The following EIF4E3 variants were observed in gnomAD, a reference collection of about 807,000 sequenced individuals.
EIF4E3 encodes the protein eukaryotic translation initiation factor 4E family member 3.
Under a neutral mutation model 31.7 loss-of-function variants are expected in EIF4E3, and 26 were observed. The ratio of observed to expected loss-of-function variants is 0.82; its 90% CI spans 0.60 to 1.14. The LOEUF (loss-of-function observed/expected upper bound fraction) is 1.14. EIF4E3 is among the 50% of genes most tolerant of loss of function. The probability of loss-of-function intolerance (pLI) is 0.00; values close to 1 mark genes in which losing one functional copy is unlikely to be tolerated. For missense variants in EIF4E3, 304 were observed against 270.9 expected (o/e 1.12, Z -0.86); for synonymous variants, 128 against 107.7 (o/e 1.19, Z -1.17).
intron 1 of EIF4E3, among the ~76,000 whole-genome samples, chr3:71,736,922 C>T (rs2049769831): frequency 6.6e-6 from 1 of 152,162 alleles, no homozygotes; most frequent in African/African-American, 2.4e-5. Flanking sequence ...AAATGGAAAA[C>T]TCCTTGTACC....
intron 1 of EIF4E3, among the ~76,000 whole-genome samples, chr3:71,712,930 G>A (rs1255869427): frequency 6.0e-5 from 9 of 150,578 alleles, no homozygotes; most frequent in Admixed American, 6.0e-4. Context: ...TCCACAGTCT[G>A]GTCTTTACTT....
At chr3:71,664,081 G>A in the EIF4E3 span, among the ~76,000 whole-genome samples, 1 of 152,178 alleles carries the variant, frequency 6.6e-6, no homozygotes, top group African/African-American at 2.4e-5. Context: ...AGAAAAGGCT[G>A]CAGACTCAGC....
At chr3:71,724,992 C>G (rs2049609177) in intron 1 of EIF4E3, among the ~76,000 whole-genome samples, 200 bp downstream of exon 1, 1 of 152,096 alleles carries the variant, frequency 6.6e-6, no homozygotes, top group South Asian at 2.1e-4. Flanking sequence ...GCGAGGACGC[C>G]GAACAGCCGC....
the EIF4E3 span, among the ~76,000 whole-genome samples, chr3:71,661,859 G>T: frequency 6.6e-6 from 1 of 152,188 alleles, no homozygotes; most frequent in Admixed American, 6.5e-5. Flanking sequence ...TTGAGTAGGT[G>T]CTCAATAAGT....
intron 1 of EIF4E3, among the ~76,000 whole-genome samples, chr3:71,736,466 A>T (rs2049764479): frequency 6.6e-6 from 1 of 152,250 alleles, no homozygotes; most frequent in African/African-American, 2.4e-5. Context: ...AATATCATTC[A>T]CTGCTAAAAA....
intron 1 of EIF4E3, among the ~76,000 whole-genome samples, chr3:71,712,482 G>GA (rs1455023567): frequency 6.6e-6 from 1 of 152,018 alleles, no homozygotes; most frequent in African/African-American, 2.4e-5. Flanking sequence ...CTGTTAGCAT[G>GA]AAAAATCTAT....
intron 1 of EIF4E3, among the ~76,000 whole-genome samples, chr3:71,733,288 C>G (rs2049726648): frequency 1.3e-5 from 2 of 152,190 alleles, no homozygotes; most frequent in Non-Finnish European, 1.5e-5. Context: ...CCACTATGAG[C>G]TGATAACTGC....
intron 6 of EIF4E3, among the ~76,000 whole-genome samples, chr3:71,686,864 G>A (rs1264177394): frequency 6.6e-6 from 1 of 152,192 alleles, no homozygotes; most frequent in Non-Finnish European, 1.5e-5. Flanking sequence ...CAGGTGTACT[G>A]TCAGCCTTAG....
At chr3:71,745,047 A>G (rs2049857240) in intron 1 of EIF4E3, among the ~76,000 whole-genome samples, 1 of 152,230 alleles carries the variant, frequency 6.6e-6, no homozygotes, top group South Asian at 2.1e-4. Context: ...TGGAAATCAG[A>G]CCACTGCAAG....
rs187046581 is a variant in EIF4E3, at chr3:71,702,364, G to C, written c.250-2656C>G. ...GGACTTTGGTGCTGGCAAACTTCAA[G>C]TCTCCTCAAAGGCATCACAAACCAA... On this transcript the variant is annotated intron_variant, in intron 2 of 6. Transcript: ENST00000425534. Among the ~76,000 whole-genome samples the C allele has an allele frequency of 1.7e-3, 264 of 152,250 alleles. 2 individuals are homozygous for C. The highest frequency in any genetic ancestry group is 6.0e-3 in the African/African-American group (248 of 41,556).
chr3:71,730,788 T>C (rs1425170208), intron 1 of EIF4E3, among the ~76,000 whole-genome samples: 1 of 151,922 alleles, frequency 6.6e-6, no homozygotes, highest in Non-Finnish European at 1.5e-5. Flanking sequence ...TGGAGTGGAG[T>C]GGCACAATCT....
chr3:71,725,343 G>T lies in EIF4E3; in HGVS notation c.25C>A (p.Pro9Thr), dbSNP rs986281064. 5 of 973,284 alleles carry T rather than the reference G, an allele frequency of 5.1e-6. No homozygotes were observed. The highest frequency in any genetic ancestry group is 6.1e-6 in the Non-Finnish European group (5 of 821,624). The allele number at this position is 973,284 out of a possible 1,614,324, so 60.3% of individuals were successfully genotyped here. Residue 9 changes from proline to threonine, a missense_variant, in exon 1 of 7, where the codon CCC becomes ACC. Pro to Thr is a conservative substitution (Grantham distance 38). Transcript: ENST00000425534. The surrounding 1 kb of genome is among the most constrained non-coding windows in gnomAD (Gnocchi z 6.1). MALPPAAAPPAGAREPPGS... is the reference protein window; with the variant it reads MALPPAAATPAGAREPPGS... ...GGCGGCTCCCGGGCCCCGGCGGGGG[G>T]CGCGGCGGCCGGGGGCAGCGCCATT... is the stretch of plus-strand genomic sequence containing the variant.
upstream of EIF4E3, among the ~76,000 whole-genome samples, chr3:71,729,390 G>T (rs962300651): frequency 1.3e-5 from 2 of 152,168 alleles, no homozygotes; most frequent in Non-Finnish European, 2.9e-5. Flanking sequence ...CTTTGGGAAG[G>T]GAGCCTTCCA....
chr3:71,753,518 G>A (rs932421377), exon 1 of EIF4E3: 1 of 151,366 alleles, frequency 6.6e-6, no homozygotes, highest in Non-Finnish European at 1.5e-5. Flanking sequence ...CCTCCCTCCC[G>A]GCCGCCTCCC....
At chr3:71,753,659 G>GGCGGCGGCGGCA (rs1241314242), upstream of EIF4E3, 26 of 148,846 alleles carry the variant, frequency 1.7e-4, no homozygotes, top group East Asian at 1.8e-3. Context: ...CGGCGGCGGC[G>GGCGGCGGCGGCA]GCGGCGGCGG....
At chr3:71,730,913 A>G (rs1042454430) in intron 1 of EIF4E3, among the ~76,000 whole-genome samples, 1 of 152,106 alleles carries the variant, frequency 6.6e-6, no homozygotes, top group African/African-American at 2.4e-5. Flanking sequence ...TTGTAGAGAC[A>G]GGGTTTCACC....
chr3:71,748,322 C>A (rs1415781830), intron 1 of EIF4E3, among the ~76,000 whole-genome samples: 1 of 152,144 alleles, frequency 6.6e-6, no homozygotes, highest in Non-Finnish European at 1.5e-5. Context: ...GGCTATGGGA[C>A]TTCAGTATGC....
chr3:71,696,509 C>G lies in EIF4E3; in HGVS notation c.356G>C (p.Ser119Thr), dbSNP rs769755377. 1 of 1,614,092 alleles carries G rather than the reference C, an allele frequency of 6.2e-7. No homozygotes were observed. Among genetic ancestry groups the G allele is most frequent in the Non-Finnish European group, 8.5e-7 (1 of 1,180,010 alleles). ...GERRPLWEEE[S>T]NAKGGVWKMK... ...CTTCCATACGCCACCCTTTGCATTACTCTCCTCTTCCCTGGGCCAAAGACC... is the reference window on the plus strand; with the variant it reads ...CTTCCATACGCCACCCTTTGCATTAGTCTCCTCTTCCCTGGGCCAAAGACC... Residue 119 changes from serine to threonine, a missense_variant, in exon 4 of 7, where the codon AGT becomes ACT. Ser to Thr is a moderately conservative substitution (Grantham distance 58). Transcript: ENST00000425534.
At chr3:71,716,173 TA>T (rs2049461492) in intron 1 of EIF4E3, among the ~76,000 whole-genome samples, 1 of 151,842 alleles carries the variant, frequency 6.6e-6, no homozygotes, top group African/African-American at 2.4e-5. Flanking sequence ...GCAAAAAAAA[TA>T]CCCCCAAATG....
Sources: gnomAD v4.1 joint callset for allele counts (sites outside exome capture counted in the v4.1 genomes callset) on GRCh38, gnomAD v4.1.1 for gene constraint, Gnocchi (gnomAD v3.1) non-coding constraint, MANE v1.5 for transcripts, NCBI Gene and HGNC (gene_info 2026-07-23, HGNC 2026-07-21) for gene names.